RGS7: variants seen among roughly 807,000 people sequenced by gnomAD.
RGS7 encodes regulator of G protein signaling 7.
Under a neutral mutation model 81.1 loss-of-function variants are expected in RGS7, and 27 were observed. The ratio of observed to expected loss-of-function variants is 0.33; its 90% CI spans 0.25 to 0.46. The LOEUF (loss-of-function observed/expected upper bound fraction) is 0.46. RGS7 is among the 20% of genes least tolerant of loss of function. The pLI is 1.00. For synonymous variants in RGS7, 208 were observed against 207.7 expected (o/e 1.00, Z -0.01); for missense variants, 396 against 607.4 (o/e 0.65, Z 3.66).
intron 2 of RGS7, among the ~76,000 whole-genome samples, chr1:241,311,430 T>A (rs1191155087): frequency 1.3e-5 from 2 of 152,214 alleles, no homozygotes; most frequent in African/African-American, 4.8e-5. Flanking sequence ...AGACAATACA[T>A]TGTTTCTATC....
At chr1:240,847,983 T>C (rs1458852294) in intron 9 of RGS7, among the ~76,000 whole-genome samples, 1 of 152,200 alleles carries the variant, frequency 6.6e-6, no homozygotes, top group Non-Finnish European at 1.5e-5. Context: ...TATAAAAAGC[T>C]TTAGAAAATA....
chr1:240,930,456 C>T (rs1675240039), intron 6 of RGS7, among the ~76,000 whole-genome samples: 4 of 151,948 alleles, frequency 2.6e-5, no homozygotes, highest in African/African-American at 9.7e-5. Context: ...ACAATAACCC[C>T]TTTAAGCTTA....
intron 2 of RGS7, among the ~76,000 whole-genome samples, chr1:241,180,315 C>T (rs1334784827): frequency 6.6e-6 from 1 of 151,986 alleles, no homozygotes; most frequent in African/African-American, 2.4e-5. Context: ...GCGGAGATTG[C>T]AGTGAGCTGA....
intron 4 of RGS7, among the ~76,000 whole-genome samples, chr1:240,961,568 T>C (rs1681442497): frequency 6.6e-6 from 1 of 152,204 alleles, no homozygotes; most frequent in African/African-American, 2.4e-5. Flanking sequence ...AGACCAGAAA[T>C]GTGTAGCAAT....
intron 2 of RGS7, among the ~76,000 whole-genome samples, chr1:241,220,351 C>G (rs1302368327): frequency 6.6e-6 from 1 of 152,154 alleles, no homozygotes; most frequent in Admixed American, 6.6e-5. Context: ...AAAATACTGA[C>G]GCCTGAACCA....
In RGS7 at chr1:240,802,991, C is replaced by T; in HGVS notation, c.1272G>A (p.Glu424=). 6.3e-7 allele frequency: 1 copy of T among 1,599,698 alleles called. No homozygotes were observed. The highest frequency in any genetic ancestry group is 8.6e-7 in the Non-Finnish European group (1 of 1,167,118). ...PGRYTFEDAQ[E]HIYKLMKSDS... is the part of the protein sequence containing the mutation. ...CACTTTTCATCAGTTTGTAAATGTG[C>T]TCCTAAAAAGAAATAATGGTTGAGG... Residue 424 remains glutamate, a splice_region_variant and synonymous_variant, in exon 16 of 19, where the codon GAG becomes GAA. Coordinates refer to ENST00000440928, the MANE Select transcript of RGS7 (RefSeq NM_001364886.1).
At chr1:241,023,444 C>T (rs1170082291) in intron 3 of RGS7, among the ~76,000 whole-genome samples, 1 of 152,214 alleles carries the variant, frequency 6.6e-6, no homozygotes, top group Non-Finnish European at 1.5e-5. Flanking sequence ...GACAGTGCTT[C>T]CCAGTCTCCC....
At chr1:240,902,906 C>T (rs2148207570) in intron 6 of RGS7, among the ~76,000 whole-genome samples, 2 of 152,226 alleles carry the variant, frequency 1.3e-5, no homozygotes, top group Middle Eastern at 6.8e-3. Context: ...TAGCAAAATG[C>T]AACATAGTAT....
intron 10 of RGS7, chr1:240,823,079 T>C (rs1692100100): frequency 2.5e-6 from 2 of 794,848 alleles, no homozygotes; most frequent in Non-Finnish European, 4.4e-6. Flanking sequence ...TCACCTGGAA[T>C]TGCTGAAATA....
chr1:241,100,239 G>A (rs1475389183), intron 2 of RGS7, among the ~76,000 whole-genome samples: 1 of 152,026 alleles, frequency 6.6e-6, no homozygotes, highest in African/African-American at 2.4e-5. Flanking sequence ...GCCGGGCGCG[G>A]TGGCAGGCGC....
chr1:241,292,965 C>T (rs989904405), intron 2 of RGS7, among the ~76,000 whole-genome samples: 1 of 152,150 alleles, frequency 6.6e-6, no homozygotes, highest in Non-Finnish European at 1.5e-5. Context: ...TACCATTAAA[C>T]GCATCAGAAA....
intron 3 of RGS7, among the ~76,000 whole-genome samples, chr1:241,084,115 T>G (rs1479004600): frequency 6.6e-6 from 1 of 152,214 alleles, no homozygotes; most frequent in Non-Finnish European, 1.5e-5. Context: ...ATTGGCCCAG[T>G]CCATTTTACC....
chr1:240,895,947 C>T (rs1669021436), intron 6 of RGS7, among the ~76,000 whole-genome samples: 1 of 152,230 alleles, frequency 6.6e-6, no homozygotes, highest in Admixed American at 6.5e-5. Context: ...TCTCCAGCAA[C>T]TGTTGTTTCC....
At chr1:241,076,716 G>A (rs1316475340) in intron 3 of RGS7, among the ~76,000 whole-genome samples, 1 of 152,178 alleles carries the variant, frequency 6.6e-6, no homozygotes, top group Non-Finnish European at 1.5e-5. Flanking sequence ...GATCACCGGT[G>A]CACCCAATGG....
chr1:241,168,555 C>T (rs1210574724), intron 2 of RGS7, among the ~76,000 whole-genome samples: 2 of 152,124 alleles, frequency 1.3e-5, no homozygotes, highest in East Asian at 3.9e-4. Context: ...ATATGGCAAA[C>T]TTGATGGGGT....
chr1:241,342,711 C>T (rs1286687791), intron 2 of RGS7, among the ~76,000 whole-genome samples: 2 of 152,198 alleles, frequency 1.3e-5, no homozygotes, highest in Non-Finnish European at 2.9e-5. Context: ...TCCGACCTGC[C>T]TTTTAAAGCT....
At chr1:240,781,404 G>A (rs376780792) in intron 18 of RGS7, among the ~76,000 whole-genome samples, 1 of 151,604 alleles carries the variant, frequency 6.6e-6, no homozygotes, top group East Asian at 2.0e-4. Context: ...TCAGGAGTTC[G>A]AGACCAGTCT....
intron 2 of RGS7, among the ~76,000 whole-genome samples, chr1:241,210,659 C>G (rs1335296580): frequency 6.6e-6 from 1 of 152,150 alleles, no homozygotes; most frequent in Non-Finnish European, 1.5e-5. Flanking sequence ...GGAATATTTA[C>G]TATGACTTTC....
intron 3 of RGS7, among the ~76,000 whole-genome samples, chr1:241,039,114 T>G (rs934365339): frequency 1.1e-4 from 16 of 152,108 alleles, no homozygotes; most frequent in Admixed American, 8.5e-4. Context: ...TGTGTGAAGA[T>G]CTAATCAACA....
Sources: gnomAD v4.1 joint callset for allele counts (sites outside exome capture counted in the v4.1 genomes callset) on GRCh38, gnomAD v4.1.1 for gene constraint, MANE v1.5 for transcripts, NCBI Gene and HGNC (gene_info 2026-07-23, HGNC 2026-07-21) for gene names.